The following TNFRSF13B variants were observed in gnomAD, a reference collection of about 807,000 sequenced individuals.
TNFRSF13B encodes tumor necrosis factor receptor superfamily member 13B.
TNFRSF13B carries 34 observed loss-of-function variants against 24.0 expected under a neutral mutation model. The observed-to-expected ratio is 1.41, with a 90% CI of 1.08 to 1.88. The LOEUF is 1.88. TNFRSF13B is among the 40% of genes most tolerant of loss of function. TNFRSF13B has a pLI of 0.00. For synonymous variants in TNFRSF13B, 173 were observed against 150.3 expected, an observed-to-expected ratio of 1.15 and a Z score of -1.10; for missense variants, 415 against 380.8, an observed-to-expected ratio of 1.09 and a Z score of -0.75.
intron 1 of TNFRSF13B, among the ~76,000 whole-genome samples, chr17:16,970,970 C>A (rs1164645011): frequency 6.6e-6 from 1 of 152,142 alleles, no homozygotes; most frequent in Admixed American, 6.5e-5. Context: ...CTAGGCTGTG[C>A]CCCGGGTCCA....
chr17:16,966,117 G>T (rs1417393101), intron 1 of TNFRSF13B, among the ~76,000 whole-genome samples: 5 of 152,048 alleles, frequency 3.3e-5, no homozygotes, highest in African/African-American at 7.2e-5. Context: ...AGCTGGGCAT[G>T]GTGGTGTGCG....
At chr17:16,970,322 G>A (rs1339335804) in intron 1 of TNFRSF13B, among the ~76,000 whole-genome samples, 2 of 152,056 alleles carry the variant, frequency 1.3e-5, no homozygotes, top group Non-Finnish European at 2.9e-5. Context: ...CACAAATTTG[G>A]ATGCAGGATG....
intron 1 of TNFRSF13B, among the ~76,000 whole-genome samples, chr17:16,965,779 A>G (rs530437565): frequency 6.6e-6 from 1 of 152,364 alleles, no homozygotes; most frequent in African/African-American, 2.4e-5. Flanking sequence ...CTCAGATCGA[A>G]AAGCAACCCG....
rs1407613499 is a variant in TNFRSF13B at position 16,946,608 on chromosome 17, G to A, written c.445+2130C>T. ...TATTTATTTATTTATTTTTTTTTGA[G>A]ACACAGTCTCACTGTGTCCCTCAGG... On this transcript the variant is annotated intron_variant, in intron 3 of 4. Coordinates refer to ENST00000261652, the MANE Select transcript of TNFRSF13B (RefSeq NM_012452.3). 5.6e-5 allele frequency among the ~76,000 whole-genome samples: 8 copies of A among 142,872 alleles called. No individual in the cohort carries two copies. In the East Asian group the frequency reaches 1.3e-3, roughly 23 times the overall value. The allele number at this position is 142,872 out of a possible 152,430, so 93.7% of individuals were successfully genotyped here.
At chr17:16,944,159 C>A (rs1287318248) in intron 3 of TNFRSF13B, among the ~76,000 whole-genome samples, 1 of 152,194 alleles carries the variant, frequency 6.6e-6, no homozygotes, top group Non-Finnish European at 1.5e-5. Context: ...CACACTCCTG[C>A]AGGCTGGGAG....
chr17:16,941,220 A>G, intron 3 of TNFRSF13B: 1 of 987,408 alleles, frequency 1.0e-6, no homozygotes, highest in Non-Finnish European at 1.2e-6. Flanking sequence ...GGTTGAATCC[A>G]CAGACATGGG....
At chr17:16,949,119 CT>C in intron 2 of TNFRSF13B, 136 bp from the exon 3 acceptor site, 1 of 1,150,084 alleles carries the variant, frequency 8.7e-7, no homozygotes, top group Non-Finnish European at 1.3e-6. Context: ...AAGCCAAGTA[CT>C]TTTACAATAT....
intron 1 of TNFRSF13B, among the ~76,000 whole-genome samples, chr17:16,970,105 T>C (rs371402628): frequency 2.6e-5 from 4 of 152,156 alleles, no homozygotes; most frequent in East Asian, 3.9e-4. Context: ...CCAGAGGGCC[T>C]GTCCCCGCCC....
At chr17:16,958,699 CAA>C (rs1452796818) in intron 1 of TNFRSF13B, among the ~76,000 whole-genome samples, 2 of 151,312 alleles carry the variant, frequency 1.3e-5, no homozygotes, top group Non-Finnish European at 3.0e-5. Context: ...CTTTAAATCA[CAA>C]AAAAATTACA....
At chr17:16,941,146 C>T (rs2087507132) in intron 3 of TNFRSF13B, 3 of 861,988 alleles carry the variant, frequency 3.5e-6, no homozygotes, top group Non-Finnish European at 4.2e-6. Flanking sequence ...GAAAAAATGG[C>T]TGCAGAGGTT....
chr17:16,946,755 T>G (rs1396729852), intron 3 of TNFRSF13B, among the ~76,000 whole-genome samples: 1 of 151,930 alleles, frequency 6.6e-6, no homozygotes, highest in African/African-American at 2.4e-5. Context: ...ATCCAGCTAA[T>G]TTTTGTATTT....
chr17:16,959,356 A>T (rs956891164), intron 1 of TNFRSF13B, among the ~76,000 whole-genome samples: 4 of 152,048 alleles, frequency 2.6e-5, no homozygotes, highest in African/African-American at 9.7e-5. Context: ...ATGTAAATAC[A>T]TACACTGAAA....
At chr17:16,962,511 C>T (rs899876894) in intron 1 of TNFRSF13B, among the ~76,000 whole-genome samples, 2 of 150,864 alleles carry the variant, frequency 1.3e-5, no homozygotes, top group South Asian at 2.1e-4. Flanking sequence ...GGTCTCCCCC[C>T]CCAAAAAAAA....
chr17:16,964,317 A>G (rs1171950333), intron 1 of TNFRSF13B, among the ~76,000 whole-genome samples: 1 of 146,830 alleles, frequency 6.8e-6, no homozygotes, highest in Admixed American at 6.8e-5. Flanking sequence ...TTCAAGGTTG[A>G]GAGTCCACCA....
rs368374605 is a variant in TNFRSF13B, at chr17:16,940,172, G to A, written c.631+154C>T. ...CTCCCAGTTATCTGTCTGCCAGGAT[G>A]TCTTAACCTGATTTTATCAAGGTAT... On this transcript the variant is annotated intron_variant, in intron 4 of 4. Transcript: ENST00000261652. 8 of 1,534,080 alleles carry A rather than the reference G, an allele frequency of 5.2e-6. No homozygotes were observed. In the East Asian group the frequency reaches 6.9e-5, roughly 13 times the overall value.
chr17:16,961,969 G>A (rs1363259197), intron 1 of TNFRSF13B, among the ~76,000 whole-genome samples: 1 of 152,184 alleles, frequency 6.6e-6, no homozygotes. Context: ...CAGCAGAGAG[G>A]AAGATGGACA....
At position 16,939,345 on chromosome 17, in the gene TNFRSF13B, C is replaced by G; in HGVS notation, c.*202G>C. Reference sequence around the variant, plus strand: ...CTTCTCTGCCTGTCTCTTTCCTTCTCTGCCTCTTTCCCTCTCTGCCTCTCT... The same window carrying G: ...CTTCTCTGCCTGTCTCTTTCCTTCTGTGCCTCTTTCCCTCTCTGCCTCTCT... On this transcript the variant is annotated 3_prime_UTR_variant, in exon 5 of 5. Coordinates refer to ENST00000261652, the MANE Select transcript of TNFRSF13B (RefSeq NM_012452.3). The G allele has an allele frequency of 1.6e-6, 1 of 611,386 alleles. No homozygotes were observed. The highest frequency in any genetic ancestry group is 3.5e-5 in the Admixed American group (1 of 28,500). The allele number at this position is 611,386 out of a possible 1,614,324, so 37.9% of individuals were successfully genotyped here.
At chr17:16,941,952 T>A (rs2087513679) in intron 3 of TNFRSF13B, among the ~76,000 whole-genome samples, 1 of 152,192 alleles carries the variant, frequency 6.6e-6, no homozygotes, top group Admixed American at 6.5e-5. Flanking sequence ...GACCTTCGTT[T>A]CTCTTTAGGC....
intron 1 of TNFRSF13B, among the ~76,000 whole-genome samples, chr17:16,956,175 C>G (rs1230737617): frequency 6.6e-6 from 1 of 152,198 alleles, no homozygotes; most frequent in African/African-American, 2.4e-5. Context: ...GGAATACATA[C>G]TGTGCAAAAA....
Sources: allele counts gnomAD v4.1 joint callset (sites outside exome capture counted in the v4.1 genomes callset), GRCh38; gene constraint gnomAD v4.1.1; transcripts MANE v1.5; gene names NCBI Gene and HGNC (gene_info 2026-07-23, HGNC 2026-07-21).